KDM4A: variants seen among roughly 807,000 people sequenced by gnomAD.
KDM4A encodes lysine-specific demethylase 4A.
A neutral mutation model predicts 127.1 loss-of-function variants in KDM4A; 23 were observed. The ratio of observed to expected loss-of-function variants is 0.18; its 90% CI spans 0.13 to 0.26. The LOEUF is 0.26. Among genes scored for constraint, KDM4A ranks in the 10% least tolerant of loss-of-function variants. KDM4A has a pLI of 1.00. For missense variants in KDM4A, 890 were observed against 1,329.1 expected (o/e 0.67, Z 5.14); for synonymous variants, 443 against 466.5 (o/e 0.95, Z 0.65).
At chr1:43,698,785 C>G (rs1183935256) in intron 19 of KDM4A, among the ~76,000 whole-genome samples, 1 of 152,110 alleles carries the variant, frequency 6.6e-6, no homozygotes, top group Admixed American at 6.5e-5. Flanking sequence ...GCATAGCTAT[C>G]ATTTATTTAT....
At chr1:43,669,498 T>C (rs1223939575) in intron 10 of KDM4A, among the ~76,000 whole-genome samples, 199 bp downstream of exon 10, 1 of 152,152 alleles carries the variant, frequency 6.6e-6, no homozygotes, top group Non-Finnish European at 1.5e-5. Context: ...CTCCTCCCTC[T>C]GCCTGGTCAG....
chr1:43,655,442 G>A (rs1398192013), intron 2 of KDM4A, 149 bp from the exon 3 acceptor site: 2 of 660,114 alleles, frequency 3.0e-6, no homozygotes, highest in Non-Finnish European at 5.0e-6. Flanking sequence ...GCATGCCTGT[G>A]ACTTACTGTG....
At chr1:43,652,703 C>G (rs1212949609) in intron 1 of KDM4A, among the ~76,000 whole-genome samples, 2 of 123,818 alleles carry the variant, frequency 1.6e-5, no homozygotes, top group Non-Finnish European at 3.3e-5. Flanking sequence ...TTTTTTGAGA[C>G]GGAGTTTCGC....
At chr1:43,659,454 G>A (rs1660321251) in intron 3 of KDM4A, among the ~76,000 whole-genome samples, 1 of 152,134 alleles carries the variant, frequency 6.6e-6, no homozygotes, top group African/African-American at 2.4e-5. Flanking sequence ...AAATAGCTGG[G>A]ATTACAGGCG....
chr1:43,696,433 A>T lies in KDM4A; in HGVS notation c.2671-1410A>T, dbSNP rs761253147. Among the ~76,000 whole-genome samples, 112 of 152,218 alleles carry T rather than the reference A, an allele frequency of 7.4e-4. 1 individual carries two copies. Among genetic ancestry groups the T allele is most frequent in the Non-Finnish European group, 1.5e-3 (101 of 68,024 alleles). ...GCCAGCCCAGAAGGATGAACTTTTC[A>T]CTCTGCCATTTGGGGTTGCAGAAAA... On this transcript the variant is annotated intron_variant, in intron 18 of 21. Coordinates refer to ENST00000372396, the MANE Select transcript of KDM4A (RefSeq NM_014663.3).
In KDM4A at chr1:43,694,582, G is replaced by T. The variant is rs958686849; in HGVS notation, c.2485-127G>T. Reference sequence around the variant, plus strand: ...AACCAGACCTGGATTAGAGCAGGCTGGTGTGTCCTTGTATTTTGGGAAGGG... The same window carrying T: ...AACCAGACCTGGATTAGAGCAGGCTTGTGTGTCCTTGTATTTTGGGAAGGG... On this transcript the variant is annotated intron_variant, in intron 17 of 21. Transcript: ENST00000372396. This position sits in a 1 kb window ranked among gnomAD's most constrained non-coding sequence, Gnocchi z 5.2. 1 of 738,596 alleles carries T rather than the reference G, an allele frequency of 1.4e-6. No homozygotes were observed. The highest frequency in any genetic ancestry group is 2.5e-5 in the East Asian group (1 of 40,142). 45.8% of individuals were successfully genotyped at this position (738,596 alleles called of 1,614,324 possible).
intron 19 of KDM4A, among the ~76,000 whole-genome samples, chr1:43,699,396 G>C (rs1242455475): frequency 6.6e-6 from 1 of 152,098 alleles, no homozygotes; most frequent in African/African-American, 2.4e-5. Flanking sequence ...ACCATACCTG[G>C]CCCTTGCTGT....
At chr1:43,675,794 C>T (rs1002185268) in intron 11 of KDM4A, among the ~76,000 whole-genome samples, 6 of 152,014 alleles carry the variant, frequency 3.9e-5, no homozygotes, top group South Asian at 2.1e-4. Flanking sequence ...CACAAAGGGC[C>T]GGGTGCCGTG....
At position 43,686,495 on chromosome 1, in the gene KDM4A, C is replaced by T. The variant is rs185553220; in HGVS notation, c.1856-2419C>T. 5.7e-4 allele frequency among the ~76,000 whole-genome samples: 86 copies of T among 152,166 alleles called. 1 individual carries two copies. Among genetic ancestry groups the T allele is most frequent in the Admixed American group, 1.0e-3 (16 of 15,264 alleles). On this transcript the variant is annotated intron_variant, in intron 12 of 21. Coordinates refer to ENST00000372396, the MANE Select transcript of KDM4A (RefSeq NM_014663.3). The stretch of plus-strand genomic sequence containing the variant: ...AGGATTACAGGTGTGTGCTACGACG[C>T]CCAGCTAATTTTTGTATCTTTAGTA...
chr1:43,653,975 T>C (rs1339926456), intron 2 of KDM4A, among the ~76,000 whole-genome samples: 1 of 152,230 alleles, frequency 6.6e-6, no homozygotes, highest in Non-Finnish European at 1.5e-5. Context: ...TTTATGTTGT[T>C]TGAATTCCCT....
intron 11 of KDM4A, among the ~76,000 whole-genome samples, chr1:43,682,735 A>G (rs1660886394): frequency 3.3e-5 from 5 of 152,196 alleles, no homozygotes; most frequent in Admixed American, 2.6e-4. Context: ...TGGCATTCCA[A>G]CTGTGGTCCT....
Position 43,667,869 on chromosome 1 carries a change from A to T in KDM4A, c.1013A>T (p.Asn338Ile). 5.0e-6 allele frequency: 8 copies of T among 1,614,158 alleles called. No homozygotes were observed. The highest frequency in any genetic ancestry group is 5.9e-6 in the Non-Finnish European group (7 of 1,180,010). Residue 338 changes from asparagine to isoleucine, a missense_variant, in exon 9 of 22, where the codon AAC (asparagine) becomes ATC (isoleucine). By Grantham distance (149) the Asn-to-Ile change is moderately radical. Around this residue, in one of 7 missense-constraint regions of KDM4A, gnomAD observed 141 missense variants for 273.5 expected, o/e 0.52. Transcript: ENST00000372396. ...AAACTTTGGAAAGCTGGGAAGGACA[A>T]CACAGTTATTGACCATACTCTGCCC... Reference protein sequence around the residue: ...RYKLWKAGKDNTVIDHTLPTP... With the variant: ...RYKLWKAGKDITVIDHTLPTP...
chr1:43,701,610 T>G (rs373203717), intron 19 of KDM4A, among the ~76,000 whole-genome samples: 2 of 152,130 alleles, frequency 1.3e-5, no homozygotes, highest in African/African-American at 4.8e-5. Context: ...TCCTCAGCCT[T>G]CCGAGTAACT....
At chr1:43,686,131 C>T (rs72883064) in intron 12 of KDM4A, among the ~76,000 whole-genome samples, 5,638 of 150,576 alleles carry the variant, frequency 0.037, 368 homozygotes, top group African/African-American at 0.13. Flanking sequence ...AACCTCTCCC[C>T]CTACTTTTTT....
At chr1:43,656,515 T>C (rs1378033476) in intron 3 of KDM4A, among the ~76,000 whole-genome samples, 1 of 151,616 alleles carries the variant, frequency 6.6e-6, no homozygotes, top group East Asian at 1.9e-4. Context: ...TTTTTGTATT[T>C]TCAGTAGAGA....
intron 12 of KDM4A, among the ~76,000 whole-genome samples, chr1:43,684,977 T>G (rs938968308): frequency 6.6e-5 from 10 of 152,116 alleles, no homozygotes; most frequent in Non-Finnish European, 2.9e-5. Context: ...GTTGAGTGCC[T>G]CCCCGGTTTG....
At chr1:43,686,572 A>G (rs1466910325) in intron 12 of KDM4A, among the ~76,000 whole-genome samples, 3 of 145,138 alleles carry the variant, frequency 2.1e-5, no homozygotes, top group Admixed American at 1.4e-4. Flanking sequence ...CCTGACCTCA[A>G]GTGATCTGCC....
Position 43,669,357 on chromosome 1 carries a change from G to A in KDM4A, c.1363+58G>A, listed in dbSNP as rs957934913. ...TAACTCATATATGTGTCCCGTGTTA[G>A]ATGCCATATTGAGTGCTGGGTCAGA... is the stretch of plus-strand genomic sequence containing the variant. On this transcript the variant is annotated intron_variant, in intron 10 of 21. Coordinates refer to ENST00000372396, the MANE Select transcript of KDM4A (RefSeq NM_014663.3). The A allele has an allele frequency of 2.6e-6, 4 of 1,525,764 alleles. No individual in the cohort carries two copies. In the Admixed American group the frequency reaches 5.0e-5, roughly 19 times the overall value. 94.5% of individuals were successfully genotyped at this position (1,525,764 alleles called of 1,614,324 possible).
At chr1:43,657,618 G>A (rs1660274527) in intron 3 of KDM4A, among the ~76,000 whole-genome samples, 1 of 152,066 alleles carries the variant, frequency 6.6e-6, no homozygotes, top group African/African-American at 2.4e-5. Context: ...TATCCTTCCT[G>A]CCATCCTTAT....
Sources: allele counts gnomAD v4.1 joint callset (sites outside exome capture counted in the v4.1 genomes callset), GRCh38; gene constraint gnomAD v4.1.1; regional missense constraint gnomAD v4.1.1; non-coding constraint Gnocchi (gnomAD v3.1); transcripts MANE v1.5; gene names NCBI Gene and HGNC (gene_info 2026-07-23, HGNC 2026-07-21).